The following ZNF320 variants were observed in gnomAD, a reference collection of about 807,000 sequenced individuals.
The protein encoded by ZNF320 is zinc finger gene 320.
Under a neutral mutation model 6.8 loss-of-function variants are expected in ZNF320, and 2 were observed. The observed-to-expected ratio is 0.29, with a 90% CI of 0.12 to 0.93. The LOEUF (loss-of-function observed/expected upper bound fraction) is 0.93, where lower values mean the gene tolerates loss of function less well. ZNF320 is among the 40% of genes least tolerant of loss of function. The probability of loss-of-function intolerance (pLI) is 0.55; values close to 1 mark genes in which losing one functional copy is unlikely to be tolerated. For synonymous variants in ZNF320, 208 were observed against 203.2 expected, an observed-to-expected ratio of 1.02 and a Z score of -0.20; for missense variants, 472 against 611.0, an observed-to-expected ratio of 0.77 and a Z score of 2.40.
chr19:52,883,627 C>T (rs7258546), intron 5 of ZNF320: 6,430 of 455,148 alleles, frequency 0.014, 291 homozygotes, highest in African/African-American at 0.11. Context: ...TGGCCGGCCA[C>T]GGTGGCACAT....
intron 5 of ZNF320, among the ~76,000 whole-genome samples, chr19:52,883,875 G>A (rs368322780): frequency 5.2e-4 from 79 of 152,142 alleles, no homozygotes; most frequent in African/African-American, 1.8e-3. Flanking sequence ...CTCTAGCCTG[G>A]GCAACAAGAT....
intron 5 of ZNF320, among the ~76,000 whole-genome samples, chr19:52,887,253 T>C (rs12460825): frequency 0.19 from 28,342 of 151,462 alleles, 2,702 homozygotes; most frequent in East Asian, 0.27. Context: ...GAGTTTTTTG[T>C]TATTTTCACT....
intron 5 of ZNF320, among the ~76,000 whole-genome samples, chr19:52,887,395 TG>T (rs2064128498): frequency 6.6e-6 from 1 of 152,214 alleles, no homozygotes; most frequent in Non-Finnish European, 1.5e-5. Flanking sequence ...CCTATATTTC[TG>T]TAGGAAAGAA....
chr19:52,899,059 T>C (rs143426987), upstream of ZNF320, among the ~76,000 whole-genome samples: 1,171 of 152,380 alleles, frequency 7.7e-3, 11 homozygotes, highest in African/African-American at 0.026. Context: ...TTTTTGCTAC[T>C]TATGTCTTTT....
chr19:52,864,488 G>A (rs1307254925), intron 5 of ZNF320, among the ~76,000 whole-genome samples: 1 of 152,118 alleles, frequency 6.6e-6, no homozygotes, highest in East Asian at 1.9e-4. Flanking sequence ...AGATGACAAA[G>A]TCCAGTGGCC....
chr19:52,862,592 T>C (rs2063492043), exon 6 of ZNF320: 10 of 450,538 alleles, frequency 2.2e-5, no homozygotes, highest in Non-Finnish European at 4.0e-5. Flanking sequence ...TCTGTGAGCT[T>C]TCACTATACC....
chr19:52,882,043 A>T, intron 5 of ZNF320, 60 bp from the exon 6 acceptor site: 1 of 1,449,604 alleles, frequency 6.9e-7, no homozygotes, highest in Non-Finnish European at 9.4e-7. Flanking sequence ...AAACACTGAA[A>T]TGTATAAATA....
chr19:52,887,008 A>AGGAAGGAAGGAAGG (rs1555821347), intron 5 of ZNF320, among the ~76,000 whole-genome samples: 3 of 106,936 alleles, frequency 2.8e-5, no homozygotes, highest in Admixed American at 8.3e-5. Flanking sequence ...GAAGGAAGGA[A>AGGAAGGAAGGAAGG]AAGAAAAAAC....
downstream of ZNF320, among the ~76,000 whole-genome samples, chr19:52,860,362 G>C (rs1257368067): frequency 6.6e-6 from 1 of 152,064 alleles, no homozygotes; most frequent in Non-Finnish European, 1.5e-5. Context: ...AATTTGAAAG[G>C]CTGTACCAGG....
At chr19:52,862,851 G>T (rs1568690456) in exon 6 of ZNF320, 2 of 345,750 alleles carry the variant, frequency 5.8e-6, no homozygotes, top group East Asian at 1.5e-4. Context: ...TTTCTCTCCA[G>T]TATGAATTGC....
At chr19:52,887,724 T>C (rs958505764) in intron 5 of ZNF320, among the ~76,000 whole-genome samples, 1 of 152,104 alleles carries the variant, frequency 6.6e-6, no homozygotes, top group Admixed American at 6.6e-5. Flanking sequence ...GGAGCTGGGA[T>C]TGCAGGTGTG....
At chr19:52,859,736 G>A (rs546928473), downstream of ZNF320, among the ~76,000 whole-genome samples, 2 of 152,202 alleles carry the variant, frequency 1.3e-5, no homozygotes, top group Admixed American at 6.5e-5. Context: ...TCCGTAAGAA[G>A]GGACAATGAT....
At chr19:52,865,480 A>ATT (rs1170263456) in intron 5 of ZNF320, 1 of 118,350 alleles carries the variant, frequency 8.4e-6, no homozygotes, top group Non-Finnish European at 1.7e-5. Flanking sequence ...TTACATATAT[A>ATT]TATAATACAT....
At chr19:52,889,211 T>C (rs2064206857) in intron 4 of ZNF320, among the ~76,000 whole-genome samples, 2 of 151,424 alleles carry the variant, frequency 1.3e-5, no homozygotes, top group South Asian at 4.2e-4. Context: ...AAGTAGCAAG[T>C]TTTGTTTAAC....
Position 52,866,246 on chromosome 19 carries a change from AT to A in ZNF320, c.224-2088del, listed in dbSNP as rs535228316. Among the ~76,000 whole-genome samples the A allele has an allele frequency of 9.8e-4, 145 of 147,308 alleles. 9 individuals are homozygous for A. Among genetic ancestry groups the A allele is most frequent in the African/African-American group, 3.4e-3 (139 of 40,292 alleles). ...TATATGATTATACATATATATATAT[AT>A]AAAATCATAAGGCTGGATGCAGTTA... On this transcript the variant is annotated intron_variant, in intron 5 of 5. Transcript: ENST00000673631.
At chr19:52,861,800 A>G (rs1182478214) in exon 6 of ZNF320, 2 of 364,886 alleles carry the variant, frequency 5.5e-6, no homozygotes, top group South Asian at 2.7e-5. Context: ...TTCTGCAAGG[A>G]GTGACCTCAG....
At chr19:52,904,176 G>T in the ZNF320 span, among the ~76,000 whole-genome samples, 1 of 152,232 alleles carries the variant, frequency 6.6e-6, no homozygotes, top group Non-Finnish European at 1.5e-5. Context: ...TTAATCCTCC[G>T]TGGGGGCCTG....
intron 5 of ZNF320, among the ~76,000 whole-genome samples, chr19:52,885,310 G>A (rs949175340): frequency 6.6e-6 from 1 of 152,176 alleles, no homozygotes; most frequent in Admixed American, 6.6e-5. Context: ...GCTGGGCATG[G>A]TGGTTCATGC....
chr19:52,886,523 C>A (rs574260035), intron 5 of ZNF320, among the ~76,000 whole-genome samples: 1 of 152,210 alleles, frequency 6.6e-6, no homozygotes, highest in Non-Finnish European at 1.5e-5. Context: ...TATATCAATA[C>A]AACGCACTTC....
Sources: allele counts gnomAD v4.1 joint callset (sites outside exome capture counted in the v4.1 genomes callset), GRCh38; gene constraint gnomAD v4.1.1; transcripts MANE v1.5; gene names NCBI Gene and HGNC (gene_info 2026-07-23, HGNC 2026-07-21).